BCKDHB: variants seen among roughly 807,000 people sequenced by gnomAD.
BCKDHB encodes the protein branched chain keto acid dehydrogenase E1 subunit beta, also known as 2-oxoisovalerate dehydrogenase subunit beta, mitochondrial.
In BCKDHB, 41 loss-of-function variants were observed where a neutral mutation model predicts 48.5. The ratio of observed to expected loss-of-function variants is 0.85; its 90% CI spans 0.66 to 1.10. The LOEUF (loss-of-function observed/expected upper bound fraction) is 1.10, where lower values mean the gene tolerates loss of function less well. Among genes scored for constraint, BCKDHB ranks in the 50% least tolerant of loss-of-function variants. BCKDHB has a pLI of 0.00. For missense variants in BCKDHB, 496 were observed against 494.2 expected (o/e 1.00, Z -0.03); for synonymous variants, 201 against 174.8 (o/e 1.15, Z -1.18).
the BCKDHB span, among the ~76,000 whole-genome samples, chr6:80,388,827 C>CT: frequency 6.6e-6 from 1 of 152,182 alleles, no homozygotes; most frequent in African/African-American, 2.4e-5. Flanking sequence ...ACTACAGCCC[C>CT]TTTTTAGGAC....
At chr6:80,234,111 G>A (rs1157835788) in intron 8 of BCKDHB, among the ~76,000 whole-genome samples, 2 of 152,160 alleles carry the variant, frequency 1.3e-5, no homozygotes, top group Non-Finnish European at 2.9e-5. Context: ...TGCTCTGACA[G>A]GAGGCAGAGC....
the BCKDHB span, among the ~76,000 whole-genome samples, chr6:80,439,405 G>A: frequency 3.1e-3 from 469 of 152,222 alleles, 6 homozygotes; most frequent in African/African-American, 0.011. Context: ...TTATATATAT[G>A]AGCTTTAAAT....
chr6:80,296,623 A>G (rs1444801381), intron 9 of BCKDHB, among the ~76,000 whole-genome samples: 1 of 152,198 alleles, frequency 6.6e-6, no homozygotes, highest in African/African-American at 2.4e-5. Context: ...CCATAAGGTA[A>G]TAGTCTCATA....
At chr6:80,341,725 G>A (rs73751603) in intron 9 of BCKDHB, among the ~76,000 whole-genome samples, 92 of 152,248 alleles carry the variant, frequency 6.0e-4, no homozygotes, top group African/African-American at 2.1e-3. Context: ...AATCAAAGAC[G>A]TTTAGTAAAA....
the BCKDHB span, among the ~76,000 whole-genome samples, chr6:80,446,300 A>G: frequency 1.3e-5 from 2 of 152,242 alleles, no homozygotes; most frequent in Non-Finnish European, 2.9e-5. Flanking sequence ...CTGTGTACGC[A>G]TGAGAGTGGT....
intron 6 of BCKDHB, among the ~76,000 whole-genome samples, 189 bp from the exon 7 acceptor site, chr6:80,200,745 C>A (rs1010344991): frequency 6.6e-6 from 1 of 151,962 alleles, no homozygotes; most frequent in African/African-American, 2.4e-5. Flanking sequence ...ATTTATATTG[C>A]ATTTATTCAT....
intron 6 of BCKDHB, among the ~76,000 whole-genome samples, chr6:80,174,915 G>T (rs1203519957): frequency 1.3e-5 from 2 of 152,100 alleles, no homozygotes; most frequent in Non-Finnish European, 2.9e-5. Flanking sequence ...TTTTATTTAT[G>T]GAATGGTATC....
chr6:80,256,737 G>T lies in BCKDHB; in HGVS notation c.952-16398G>T, dbSNP rs575795241. 2.0e-5 allele frequency among the ~76,000 whole-genome samples: 3 copies of T among 152,172 alleles called. No individual in the cohort carries two copies. The South Asian group carries it at 6.2e-4, about 32-fold the overall frequency. The stretch of plus-strand genomic sequence containing the variant: ...GGTGAAATCTAGTAACTCCTTATTA[G>T]GCTAAGCTAAATATACTCTGGTTGA... On this transcript the variant is annotated intron_variant, in intron 8 of 9. Coordinates refer to ENST00000320393, the MANE Select transcript of BCKDHB (RefSeq NM_183050.4).
intron 9 of BCKDHB, among the ~76,000 whole-genome samples, chr6:80,285,502 G>T (rs1473193739): frequency 1.6e-5 from 2 of 121,524 alleles, no homozygotes; most frequent in Non-Finnish European, 3.5e-5. Flanking sequence ...AATCCTTCTG[G>T]TAGTAAGCAT....
At chr6:80,243,633 A>G (rs1366960551) in intron 8 of BCKDHB, among the ~76,000 whole-genome samples, 1 of 152,120 alleles carries the variant, frequency 6.6e-6, no homozygotes, top group African/African-American at 2.4e-5. Context: ...CCAGAGCTCA[A>G]GCAGTCTTCC....
chr6:80,323,791 G>C (rs867261632), intron 9 of BCKDHB, among the ~76,000 whole-genome samples: 13 of 152,216 alleles, frequency 8.5e-5, no homozygotes, highest in Middle Eastern at 6.8e-3. Flanking sequence ...ATTATTATTT[G>C]AGACGGAATC....
intron 8 of BCKDHB, among the ~76,000 whole-genome samples, chr6:80,204,659 GTATC>G (rs928389394): frequency 1.8e-4 from 28 of 151,608 alleles, no homozygotes; most frequent in Non-Finnish European, 3.2e-4. Flanking sequence ...CTTTATTTAC[GTATC>G]TATCTATATA....
At chr6:80,167,882 C>T (rs1772658355) in intron 4 of BCKDHB, 71 bp downstream of exon 4, 1 of 1,438,770 alleles carries the variant, frequency 7.0e-7, no homozygotes, top group Non-Finnish European at 9.7e-7. Context: ...CCCTTCCACC[C>T]ACCCTTACCT....
chr6:80,432,164 A>G, the BCKDHB span, among the ~76,000 whole-genome samples: 1 of 151,996 alleles, frequency 6.6e-6, no homozygotes, highest in Non-Finnish European at 1.5e-5. Flanking sequence ...TCTGATGATT[A>G]TGTGTCTTGG....
At chr6:80,441,668 G>T in the BCKDHB span, among the ~76,000 whole-genome samples, 55 of 151,940 alleles carry the variant, frequency 3.6e-4, no homozygotes, top group Admixed American at 1.9e-3. Flanking sequence ...CCTATCTGTG[G>T]TCTCATGTCT....
chr6:80,423,237 A>T, the BCKDHB span, among the ~76,000 whole-genome samples: 5 of 152,102 alleles, frequency 3.3e-5, no homozygotes, highest in Non-Finnish European at 7.4e-5. Context: ...GCTTTCCCTT[A>T]ACCTTACACC....
intron 6 of BCKDHB, among the ~76,000 whole-genome samples, chr6:80,189,581 C>A (rs776270573): frequency 6.6e-6 from 1 of 151,952 alleles, no homozygotes; most frequent in Non-Finnish European, 1.5e-5. Context: ...ATAATAAGCC[C>A]TTTAGGAGTT....
chr6:80,159,744 T>C (rs1772223664), intron 3 of BCKDHB, among the ~76,000 whole-genome samples: 1 of 152,230 alleles, frequency 6.6e-6, no homozygotes, highest in East Asian at 1.9e-4. Context: ...ACTGTTACAA[T>C]TGTGTCTATA....
chr6:80,127,356 G>T, intron 1 of BCKDHB, 191 bp from the exon 2 acceptor site: 1 of 572,082 alleles, frequency 1.7e-6, no homozygotes, highest in Non-Finnish European at 3.1e-6. Context: ...GGTAAATTTT[G>T]CCCCATTAAC....
Sources: allele counts gnomAD v4.1 joint callset (sites outside exome capture counted in the v4.1 genomes callset), GRCh38; gene constraint gnomAD v4.1.1; transcripts MANE v1.5; gene names NCBI Gene and HGNC (gene_info 2026-07-23, HGNC 2026-07-21).